The following FRYL variants were observed in gnomAD, a reference collection of about 807,000 sequenced individuals.
FRYL encodes FRY like transcription coactivator, also known as protein furry homolog-like.
Under a neutral mutation model 351.2 loss-of-function variants are expected in FRYL, and 150 were observed. That is an observed-to-expected ratio of 0.43 (90% CI 0.37 to 0.49). The LOEUF (loss-of-function observed/expected upper bound fraction) is 0.49, where lower values mean the gene tolerates loss of function less well. FRYL is among the 20% of genes least tolerant of loss of function. The pLI is 0.00. For missense variants in FRYL, 3,036 were observed against 3,619.3 expected, an observed-to-expected ratio of 0.84 and a Z score of 4.13; for synonymous variants, 1,153 against 1,257.1, an observed-to-expected ratio of 0.92 and a Z score of 1.75.
intron 19 of FRYL, 92 bp from the exon 20 acceptor site, chr4:48,582,826 C>T (rs1271025757): frequency 1.2e-6 from 1 of 822,340 alleles, no homozygotes; most frequent in Non-Finnish European, 2.0e-6. Flanking sequence ...AAATAAATGT[C>T]CTCTTAGTTG....
intron 3 of FRYL, chr4:48,680,851 G>C: frequency 4.5e-6 from 2 of 440,864 alleles, no homozygotes; most frequent in Non-Finnish European, 6.5e-6. Context: ...CTGCTCACTA[G>C]AATTCATACT....
At chr4:48,664,099 CTCTGGCTGA>C (rs1761315361) in intron 3 of FRYL, among the ~76,000 whole-genome samples, 38 of 152,214 alleles carry the variant, frequency 2.5e-4, no homozygotes, top group Admixed American at 2.5e-3. Context: ...AGCAAAGGAA[CTCTGGCTGA>C]CCACGGTTAA....
chr4:48,615,644 A>G (rs937439517), intron 7 of FRYL, among the ~76,000 whole-genome samples: 4 of 152,232 alleles, frequency 2.6e-5, no homozygotes, highest in African/African-American at 9.6e-5. Flanking sequence ...AAGCAAAATT[A>G]GTCCTCTATT....
intron 23 of FRYL, among the ~76,000 whole-genome samples, chr4:48,576,940 ATT>A (rs1578194461): frequency 6.6e-6 from 1 of 152,122 alleles, no homozygotes; most frequent in East Asian, 1.9e-4. Flanking sequence ...TGTTTATTTT[ATT>A]TTGTATCTAC....
At chr4:48,600,132 A>T (rs952403450) in intron 13 of FRYL, among the ~76,000 whole-genome samples, 16 of 152,120 alleles carry the variant, frequency 1.1e-4, no homozygotes, top group African/African-American at 3.9e-4. Flanking sequence ...TAGGTCTAAT[A>T]AAAGGAAATT....
chr4:48,527,804 T>TGA, intron 52 of FRYL, 151 bp from the exon 53 acceptor site: 1 of 968,686 alleles, frequency 1.0e-6, no homozygotes, highest in Non-Finnish European at 1.5e-6. Flanking sequence ...GTTGAACACA[T>TGA]AGTTAGCATG....
Position 48,498,123 on chromosome 4 carries a change from T to C in FRYL, c.*1299A>G, listed in dbSNP as rs1302508247. The stretch of plus-strand genomic sequence containing the variant: ...TACAAAATGCGATTTTAGAAAAGGA[T>C]AGAGACTCCAGTTCATGTTATACTA... On this transcript the variant is annotated 3_prime_UTR_variant, in exon 64 of 64. Coordinates refer to ENST00000358350, the MANE Select transcript of FRYL (RefSeq NM_015030.2). The C allele has an allele frequency of 2.0e-5, 3 of 151,890 alleles. No homozygotes were observed. Among genetic ancestry groups the C allele is most frequent in the African/African-American group, 4.8e-5 (2 of 41,352 alleles). 9.4% of individuals were successfully genotyped at this position (151,890 alleles called of 1,614,324 possible).
intron 2 of FRYL, among the ~76,000 whole-genome samples, chr4:48,693,598 C>A (rs779134040): frequency 7.1e-6 from 1 of 140,624 alleles, no homozygotes; most frequent in Non-Finnish European, 1.6e-5. Flanking sequence ...ACCGTTGATA[C>A]AACAAAACAA....
intron 1 of FRYL, among the ~76,000 whole-genome samples, chr4:48,716,080 A>T (rs914192037): frequency 6.6e-6 from 1 of 152,260 alleles, no homozygotes; most frequent in Non-Finnish European, 1.5e-5. Context: ...ATATGTAAAA[A>T]GCAGAATCTG....
intron 44 of FRYL, 124 bp from the exon 45 acceptor site, chr4:48,542,245 G>C: frequency 1.5e-6 from 1 of 687,232 alleles, no homozygotes; most frequent in East Asian, 2.6e-5. Flanking sequence ...TTAAACTCTT[G>C]AGCAACATGA....
rs1208945120 is a variant in FRYL at position 48,500,115 on chromosome 4, T to C, written c.8698A>G (p.Thr2900Ala). 3 of 1,600,010 alleles carry C rather than the reference T, an allele frequency of 1.9e-6. No individual in the cohort carries two copies. Among genetic ancestry groups the C allele is most frequent in the Non-Finnish European group, 2.6e-6 (3 of 1,174,032 alleles). The stretch of plus-strand genomic sequence containing the variant: ...AAAGAATGAATGGCAGTTTCTATAG[T>C]AGTTTGTGCAGCTTTGGAAATGTCA... ...EIDISKAAQT[T>A]IETAIHSLIE... The change falls in exon 63 of 64, where the codon ACT (threonine) becomes GCT (alanine). Residue 2900 changes from threonine to alanine, a missense_variant. By Grantham distance (58) the Thr-to-Ala change is moderately conservative. This residue lies in a region of FRYL where 1,987 missense variants were observed against 2,311.7 expected (regional missense o/e 0.86). Coordinates refer to ENST00000358350, the MANE Select transcript of FRYL (RefSeq NM_015030.2).
chr4:48,698,632 G>A (rs558834848), intron 2 of FRYL, among the ~76,000 whole-genome samples: 19 of 152,316 alleles, frequency 1.2e-4, no homozygotes, highest in Non-Finnish European at 2.4e-4. Flanking sequence ...AACATCCTCT[G>A]TAGAGAAAAT....
intron 52 of FRYL, 25 bp downstream of exon 52, chr4:48,527,946 G>T: frequency 2.7e-6 from 4 of 1,497,640 alleles, no homozygotes; most frequent in African/African-American, 1.4e-5. Context: ...TTAAGACCTT[G>T]ACACAGGTCT....
rs1299928473 is a variant in FRYL at position 48,549,440 on chromosome 4, T to C, written c.4784+33A>G. The C allele has an allele frequency of 1.3e-6, 2 of 1,577,256 alleles. No homozygotes were observed. Among genetic ancestry groups the C allele is most frequent in the South Asian group, 1.2e-5 (1 of 84,952 alleles). On this transcript the variant is annotated intron_variant, in intron 39 of 63. Transcript: ENST00000358350. This position sits in a 1 kb window ranked among gnomAD's most constrained non-coding sequence, Gnocchi z 4.2. ...CCGACAGTGTTCAGCAGCAACTTGG[T>C]GCATATGTAAAAGGAATGACGCTGT...
intron 1 of FRYL, among the ~76,000 whole-genome samples, chr4:48,734,631 AAGAT>A (rs755452332): frequency 2.0e-5 from 3 of 152,248 alleles, no homozygotes; most frequent in Non-Finnish European, 4.4e-5. Flanking sequence ...AACAGTCACT[AAGAT>A]AGAACACATT....
chr4:48,769,678 G>A (rs1159612032), intron 1 of FRYL, among the ~76,000 whole-genome samples: 1 of 152,164 alleles, frequency 6.6e-6, no homozygotes, highest in Non-Finnish European at 1.5e-5. Context: ...TAGCTCCTAT[G>A]TTCTTCAGCA....
intron 22 of FRYL, among the ~76,000 whole-genome samples, chr4:48,580,068 C>CA (rs113000095): frequency 6.6e-6 from 1 of 151,410 alleles, no homozygotes; most frequent in Non-Finnish European, 1.5e-5. Context: ...AGCATCATGG[C>CA]GGGGGGGAAT....
intron 2 of FRYL, among the ~76,000 whole-genome samples, chr4:48,708,459 T>C (rs1358690106): frequency 2.6e-5 from 4 of 151,840 alleles, no homozygotes; most frequent in African/African-American, 4.8e-5. Flanking sequence ...AGTGAGACTA[T>C]CTTAAACAAA....
chr4:48,655,013 A>G (rs1237352886), intron 3 of FRYL, among the ~76,000 whole-genome samples: 1 of 152,228 alleles, frequency 6.6e-6, no homozygotes, highest in Non-Finnish European at 1.5e-5. Flanking sequence ...AACACAAAGA[A>G]TAAGGAAATG....
Sources: allele counts gnomAD v4.1 joint callset (sites outside exome capture counted in the v4.1 genomes callset), GRCh38; gene constraint gnomAD v4.1.1; regional missense constraint gnomAD v4.1.1; non-coding constraint Gnocchi (gnomAD v3.1); transcripts MANE v1.5; gene names NCBI Gene and HGNC (gene_info 2026-07-23, HGNC 2026-07-21).